The following KSR2 variants were observed in gnomAD, a reference collection of about 807,000 sequenced individuals.
KSR2 encodes kinase suppressor of ras 2.
A neutral mutation model predicts 107.8 loss-of-function variants in KSR2; 25 were observed. The observed-to-expected ratio is 0.23, with a 90% CI of 0.17 to 0.32. KSR2 has a LOEUF of 0.32. Among genes scored for constraint, KSR2 ranks in the 10% least tolerant of loss-of-function variants. The pLI is 1.00. For synonymous variants in KSR2, 480 were observed against 507.0 expected (o/e 0.95, Z 0.71); for missense variants, 887 against 1,268.9 (o/e 0.70, Z 4.57).
At chr12:117,560,143 T>C (rs1878013566) in intron 7 of KSR2, among the ~76,000 whole-genome samples, 1 of 152,128 alleles carries the variant, frequency 6.6e-6, no homozygotes, top group Non-Finnish European at 1.5e-5. Context: ...ACCAGCAGCA[T>C]AAGCACCACC....
At chr12:117,818,532 G>T (rs980910931) in intron 3 of KSR2, among the ~76,000 whole-genome samples, 7 of 152,194 alleles carry the variant, frequency 4.6e-5, no homozygotes, top group African/African-American at 1.7e-4. Context: ...TCAGAGGTTT[G>T]AGCTCATATT....
intron 5 of KSR2, among the ~76,000 whole-genome samples, chr12:117,593,463 C>T (rs1880443417): frequency 6.6e-6 from 1 of 152,238 alleles, no homozygotes; most frequent in Admixed American, 6.5e-5. Context: ...GACCCAGAAA[C>T]TGGTGAAGAC....
intron 3 of KSR2, among the ~76,000 whole-genome samples, chr12:117,832,971 G>A (rs893245386): frequency 1.3e-5 from 2 of 152,292 alleles, no homozygotes; most frequent in South Asian, 4.1e-4. Flanking sequence ...CTTCTGCACA[G>A]CACGTGGGCT....
intron 4 of KSR2, among the ~76,000 whole-genome samples, chr12:117,742,775 G>C (rs1888271250): frequency 6.6e-6 from 1 of 152,134 alleles, no homozygotes; most frequent in African/African-American, 2.4e-5. Context: ...CTTTGAATTT[G>C]AATTTTTAAA....
At position 117,485,601 on chromosome 12, in the gene KSR2, A is replaced by G; in HGVS notation, c.2310T>C (p.Ile770=). The change falls in exon 15 of 20, where the codon ATT becomes ATC. Residue 770 remains isoleucine (I), a synonymous_variant. Transcript: ENST00000339824. The stretch of plus-strand genomic sequence containing the variant: ...GCCCAAGAGCCGACAGTACCTTCAC[A>G]ATTTCTTGAGCAATCTGCCTGGTTT... The part of the protein sequence containing the change: ...VNKTRQIAQE[I]VKGMGYLHAK... The G allele has an allele frequency of 6.2e-7, 1 of 1,613,154 alleles. No homozygotes were observed. The highest frequency in any genetic ancestry group is 1.7e-5 in the Admixed American group (1 of 60,006).
chr12:117,554,137 G>T (rs1877500469), intron 9 of KSR2, among the ~76,000 whole-genome samples: 1 of 152,228 alleles, frequency 6.6e-6, no homozygotes, highest in African/African-American at 2.4e-5. Flanking sequence ...ACCTGCTGGT[G>T]TGTGCAACCT....
chr12:117,515,645 G>T (rs1189895000), intron 14 of KSR2, among the ~76,000 whole-genome samples: 1 of 152,108 alleles, frequency 6.6e-6, no homozygotes, highest in Non-Finnish European at 1.5e-5. Flanking sequence ...TAAAATGCAG[G>T]CCAGGCACGG....
At chr12:117,893,755 G>A (rs1448734016) in intron 1 of KSR2, among the ~76,000 whole-genome samples, 1 of 152,166 alleles carries the variant, frequency 6.6e-6, no homozygotes, top group Non-Finnish European at 1.5e-5. Flanking sequence ...GTAAAATCAA[G>A]GCCAAGAATA....
At chr12:117,749,297 C>T (rs1041495757) in intron 4 of KSR2, among the ~76,000 whole-genome samples, 1 of 151,352 alleles carries the variant, frequency 6.6e-6, no homozygotes, top group African/African-American at 2.4e-5. Context: ...GCCACAGTCT[C>T]CACACTGCTG....
intron 3 of KSR2, among the ~76,000 whole-genome samples, chr12:117,850,261 G>A (rs543148151): frequency 1.7e-4 from 26 of 152,178 alleles, no homozygotes; most frequent in Non-Finnish European, 2.9e-4. Flanking sequence ...CTGCTGTTCC[G>A]GTAGCCAAGG....
In KSR2 at chr12:117,610,787, C is replaced by T. The variant is rs191680631; in HGVS notation, c.1172-28428G>A. Among the ~76,000 whole-genome samples, 1,282 of 149,380 alleles carry T rather than the reference C, an allele frequency of 8.6e-3. 10 individuals carry two copies. The highest frequency in any genetic ancestry group is 0.011 in the Non-Finnish European group (719 of 67,554). ...CCAGTTAGAAAATAAAACCCCCACACGCAGTATTCCGAATACATGTATAAG... is the reference window on the plus strand; with the variant it reads ...CCAGTTAGAAAATAAAACCCCCACATGCAGTATTCCGAATACATGTATAAG... On this transcript the variant is annotated intron_variant, in intron 5 of 19. Coordinates refer to ENST00000339824, the MANE Select transcript of KSR2 (RefSeq NM_173598.6).
intron 9 of KSR2, among the ~76,000 whole-genome samples, chr12:117,546,524 G>C (rs1421325537): frequency 2.0e-5 from 3 of 152,154 alleles, no homozygotes; most frequent in Admixed American, 6.5e-5. Flanking sequence ...AGTTTGGGAA[G>C]TTTTCAACCA....
At chr12:117,958,726 C>T (rs965284538) in intron 1 of KSR2, among the ~76,000 whole-genome samples, 4 of 152,168 alleles carry the variant, frequency 2.6e-5, no homozygotes, top group Admixed American at 2.0e-4. Flanking sequence ...GAGGCTGAGG[C>T]GCAAGAATTG....
chr12:117,590,403 T>C (rs138156638), intron 5 of KSR2, among the ~76,000 whole-genome samples: 211 of 152,312 alleles, frequency 1.4e-3, no homozygotes, highest in Middle Eastern at 6.8e-3. Flanking sequence ...ACTTACGAGC[T>C]ATGGGATCTT....
At chr12:117,573,870 T>C (rs186919208) in intron 7 of KSR2, among the ~76,000 whole-genome samples, 2 of 152,102 alleles carry the variant, frequency 1.3e-5, no homozygotes, top group Non-Finnish European at 2.9e-5. Flanking sequence ...CACCAATATT[T>C]ACTGGATGAA....
intron 3 of KSR2, among the ~76,000 whole-genome samples, chr12:117,777,263 A>C (rs1889730128): frequency 6.6e-6 from 1 of 151,440 alleles, no homozygotes; most frequent in African/African-American, 2.4e-5. Flanking sequence ...AATATCTAAC[A>C]CAGGTATTTT....
At chr12:117,672,936 A>C (rs1362019359) in intron 4 of KSR2, among the ~76,000 whole-genome samples, 1 of 152,248 alleles carries the variant, frequency 6.6e-6, no homozygotes, top group East Asian at 1.9e-4. Flanking sequence ...GTGATATCCA[A>C]CAAACTTTCA....
chr12:117,608,344 A>G (rs375738355), intron 5 of KSR2, among the ~76,000 whole-genome samples: 3 of 152,360 alleles, frequency 2.0e-5, no homozygotes, highest in South Asian at 4.1e-4. Flanking sequence ...CTGAACAAAG[A>G]AATGTGCAAA....
chr12:117,732,588 C>T (rs114267000), intron 4 of KSR2, among the ~76,000 whole-genome samples: 89 of 152,270 alleles, frequency 5.8e-4, no homozygotes, highest in African/African-American at 2.1e-3. Flanking sequence ...CAGCGCCTGG[C>T]CCTGAAAATT....
Sources: gnomAD v4.1 joint callset for allele counts (sites outside exome capture counted in the v4.1 genomes callset) on GRCh38, gnomAD v4.1.1 for gene constraint, MANE v1.5 for transcripts, NCBI Gene and HGNC (gene_info 2026-07-23, HGNC 2026-07-21) for gene names.